Variants in DACH2 observed in about 807,000 individuals in gnomAD.
DACH2 encodes dachshund family transcription factor 2.
A neutral mutation model predicts 35.8 loss-of-function variants in DACH2; 17 were observed. The ratio of observed to expected loss-of-function variants is 0.48; its 90% CI spans 0.33 to 0.71. The LOEUF is 0.71. Ranked by LOEUF, DACH2 falls within the 30% of genes least tolerant of loss-of-function variation. The pLI, the probability that DACH2 is intolerant of heterozygous loss-of-function variation, is 0.02. For missense variants in DACH2, 469 were observed against 472.7 expected (o/e 0.99, Z 0.07); for synonymous variants, 195 against 177.3 (o/e 1.10, Z -0.79).
intron 7 of DACH2, among the ~76,000 whole-genome samples, chrX:86,753,056 A>G (rs1485569779): frequency 2.5e-5 from 1 of 40,258 alleles, no homozygotes; most frequent in African/African-American, 1.1e-4. Context: ...TATTAAAAGT[A>G]CACACACACA....
chrX:86,400,685 A>G (rs1000054749), intron 2 of DACH2, among the ~76,000 whole-genome samples: 16 of 111,900 alleles, frequency 1.4e-4, no homozygotes, highest in South Asian at 7.5e-4. Context: ...CAGTTTCTGC[A>G]GAACAGCGGA....
At chrX:86,805,846 CAGTTTCCAATA>C (rs1273977760) in intron 7 of DACH2, among the ~76,000 whole-genome samples, 1 of 111,938 alleles carries the variant, frequency 8.9e-6, no homozygotes, top group African/African-American at 3.3e-5. Flanking sequence ...ACCTTTCCTC[CAGTTTCCAATA>C]AGTTTCTCAT....
intron 7 of DACH2, among the ~76,000 whole-genome samples, chrX:86,742,294 C>A (rs938494179): frequency 3.6e-5 from 4 of 110,483 alleles, no homozygotes; most frequent in African/African-American, 1.3e-4. Context: ...ATTATAAACT[C>A]TGAAAATTAA....
intron 4 of DACH2, among the ~76,000 whole-genome samples, chrX:86,657,431 T>C: frequency 9.0e-6 from 1 of 111,491 alleles, no homozygotes; most frequent in Non-Finnish European, 1.9e-5. Flanking sequence ...AATTATTAAA[T>C]ATGATTTAGA....
Position 86,388,973 on chromosome X carries a change from T to C in DACH2, c.527+12111T>C, listed in dbSNP as rs371516912. ...CAAAAAATACAGACTTTAAGGCTTA[T>C]ATAAAATATGTGTTTCGGTGAGAAA... On this transcript the variant is annotated intron_variant, in intron 2 of 11. Coordinates refer to ENST00000373125, the MANE Select transcript of DACH2 (RefSeq NM_053281.3). Among the ~76,000 whole-genome samples the C allele has an allele frequency of 7.1e-4, 79 of 111,492 alleles. 2 individuals are homozygous for C. The highest frequency in any genetic ancestry group is 2.3e-3 in the East Asian group (8 of 3,540).
chrX:86,318,565 G>A (rs1360447327), intron 1 of DACH2, among the ~76,000 whole-genome samples: 1 of 111,404 alleles, frequency 9.0e-6, no homozygotes, highest in African/African-American at 3.3e-5. Flanking sequence ...GTGATTAATA[G>A]CACATATTTT....
intron 1 of DACH2, among the ~76,000 whole-genome samples, chrX:86,349,270 C>A (rs755756632): frequency 9.0e-6 from 1 of 111,687 alleles, no homozygotes; most frequent in East Asian, 2.9e-4. Context: ...ACCACCTGGG[C>A]CAAACTCCGC....
intron 3 of DACH2, among the ~76,000 whole-genome samples, chrX:86,632,772 A>T (rs1184861695): frequency 9.0e-6 from 1 of 111,342 alleles, no homozygotes; most frequent in South Asian, 3.7e-4. Flanking sequence ...GAAAACTAGA[A>T]ATCAACACCA....
chrX:86,632,231 C>G (rs2040209462), intron 3 of DACH2, among the ~76,000 whole-genome samples: 1 of 111,249 alleles, frequency 9.0e-6, no homozygotes, highest in South Asian at 3.8e-4. Context: ...GGCTTCATTA[C>G]CTCCATTTGG....
intron 1 of DACH2, among the ~76,000 whole-genome samples, chrX:86,344,869 T>C (rs2035472296): frequency 9.0e-6 from 1 of 111,582 alleles, no homozygotes. Flanking sequence ...GGATTATCTT[T>C]CTAAGCCCAT....
intron 1 of DACH2, among the ~76,000 whole-genome samples, chrX:86,171,777 T>C (rs1441738676): frequency 8.9e-6 from 1 of 111,851 alleles, no homozygotes; most frequent in African/African-American, 3.2e-5. Flanking sequence ...CTCTTCGGTG[T>C]CTCTTTCAGT....
At chrX:86,212,030 A>G (rs1375484705) in intron 1 of DACH2, among the ~76,000 whole-genome samples, 1 of 111,809 alleles carries the variant, frequency 8.9e-6, no homozygotes, top group East Asian at 2.8e-4. Context: ...GAAGACCTGA[A>G]TTGCATTGAA....
At chrX:86,705,882 A>G (rs1298604755) in intron 5 of DACH2, among the ~76,000 whole-genome samples, 5 of 112,090 alleles carry the variant, frequency 4.5e-5, no homozygotes, top group African/African-American at 1.6e-4. Context: ...ATAACGTGTT[A>G]TATGTATACA....
intron 3 of DACH2, among the ~76,000 whole-genome samples, chrX:86,637,295 G>C (rs67862963): frequency 3.1e-5 from 3 of 97,436 alleles, no homozygotes; most frequent in Non-Finnish European, 6.1e-5. Context: ...TATACTGTTG[G>C]TTGGTGTGTA....
At chrX:86,421,490 A>C (rs1355383823) in intron 2 of DACH2, among the ~76,000 whole-genome samples, 3 of 111,232 alleles carry the variant, frequency 2.7e-5, no homozygotes, top group African/African-American at 9.8e-5. Context: ...GTAGAATGGG[A>C]ATGGCAAAAA....
intron 6 of DACH2, among the ~76,000 whole-genome samples, chrX:86,735,586 C>T: frequency 9.0e-6 from 1 of 111,584 alleles, no homozygotes; most frequent in Middle Eastern, 4.6e-3. Flanking sequence ...TATGTGAGTA[C>T]ACATCAGAAT....
At chrX:86,784,329 G>A (rs5969000) in intron 7 of DACH2, among the ~76,000 whole-genome samples, 19,157 of 109,317 alleles carry the variant, frequency 0.18, 1,354 homozygotes, top group South Asian at 0.41. Flanking sequence ...CTGAACAGAC[G>A]TCTTTCAAAA....
intron 2 of DACH2, among the ~76,000 whole-genome samples, chrX:86,459,009 A>G (rs1418688634): frequency 9.0e-6 from 1 of 111,668 alleles, no homozygotes; most frequent in Non-Finnish European, 1.9e-5. Flanking sequence ...CCCAGAACTT[A>G]AAGTATAATA....
At chrX:86,423,939 C>T (rs2036848394) in intron 2 of DACH2, among the ~76,000 whole-genome samples, 1 of 110,693 alleles carries the variant, frequency 9.0e-6, no homozygotes, top group Non-Finnish European at 1.9e-5. Flanking sequence ...ATTGAAGAAA[C>T]CATCTTTACC....
Sources: gnomAD v4.1 joint callset for allele counts (sites outside exome capture counted in the v4.1 genomes callset) on GRCh38, gnomAD v4.1.1 for gene constraint, MANE v1.5 for transcripts, NCBI Gene and HGNC (gene_info 2026-07-23, HGNC 2026-07-21) for gene names.